Variants in KIAA1958 observed in about 807,000 individuals in gnomAD.
KIAA1958 encodes KIAA1958.
Under a neutral mutation model 47.2 loss-of-function variants are expected in KIAA1958, and 14 were observed. The observed-to-expected ratio is 0.30, with a 90% CI of 0.20 to 0.46. KIAA1958 has a LOEUF of 0.46. Ranked by LOEUF, KIAA1958 falls within the 20% of genes least tolerant of loss-of-function variation. The pLI, the probability that KIAA1958 is intolerant of heterozygous loss-of-function variation, is 1.00. For missense variants in KIAA1958, 803 were observed against 909.2 expected (o/e 0.88, Z 1.50); for synonymous variants, 354 against 353.3 (o/e 1.00, Z -0.02).
At chr9:112,628,066 A>C (rs1324970337) in intron 2 of KIAA1958, among the ~76,000 whole-genome samples, 1 of 152,194 alleles carries the variant, frequency 6.6e-6, no homozygotes, top group Non-Finnish European at 1.5e-5. Context: ...TTATACTCTT[A>C]AAATGAGTGG....
intron 1 of KIAA1958, among the ~76,000 whole-genome samples, chr9:112,499,688 C>CTT (rs917810043): frequency 4.3e-4 from 56 of 130,494 alleles, no homozygotes; most frequent in Non-Finnish European, 5.9e-4. Context: ...ACATTTTTTT[C>CTT]TTTTTTTTTT....
In KIAA1958 at chr9:112,508,410, C is replaced by T. The variant is rs572832734; in HGVS notation, c.-25+21292C>T. On this transcript the variant is annotated intron_variant, in intron 1 of 3. Coordinates refer to ENST00000337530, the MANE Select transcript of KIAA1958 (RefSeq NM_133465.4). ...AAAAGCTTAAATTCTCATTCTATTT[C>T]TAAGGGAATAAAGAGGGAGAATTCA... Among the ~76,000 whole-genome samples, 14 of 152,264 alleles carry T rather than the reference C, an allele frequency of 9.2e-5. No individual in the cohort carries two copies. The South Asian group carries it at 2.9e-3, about 32-fold the overall frequency.
chr9:112,634,694 T>C (rs987185617), intron 2 of KIAA1958, among the ~76,000 whole-genome samples: 2 of 152,206 alleles, frequency 1.3e-5, no homozygotes, highest in African/African-American at 4.8e-5. Flanking sequence ...TACCACAACA[T>C]CTTCTGCCAC....
intron 2 of KIAA1958, among the ~76,000 whole-genome samples, chr9:112,617,342 TTTAA>T (rs1358910741): frequency 1.3e-5 from 2 of 152,048 alleles, no homozygotes; most frequent in African/African-American, 4.8e-5. Context: ...AGAACAAGTA[TTTAA>T]TTAACTGCCA....
chr9:112,659,223 G>T (rs370466675), intron 3 of KIAA1958, 40 bp from the exon 4 acceptor site: 1 of 1,545,406 alleles, frequency 6.5e-7, no homozygotes, highest in Admixed American at 1.7e-5. Flanking sequence ...CTGGCTGTGT[G>T]AGTGTCAAGT....
At chr9:112,595,170 T>G (rs529211060) in intron 2 of KIAA1958, among the ~76,000 whole-genome samples, 1 of 152,304 alleles carries the variant, frequency 6.6e-6, no homozygotes, top group South Asian at 2.1e-4. Context: ...TTTATTAATT[T>G]CCATATAAAA....
intron 2 of KIAA1958, among the ~76,000 whole-genome samples, chr9:112,630,213 C>T (rs1488715592): frequency 6.6e-6 from 1 of 152,164 alleles, no homozygotes; most frequent in Non-Finnish European, 1.5e-5. Context: ...GAGCCCCAAG[C>T]CTGAAAATCC....
intron 1 of KIAA1958, among the ~76,000 whole-genome samples, chr9:112,568,936 T>TAAGA (rs1826003556): frequency 5.5e-5 from 2 of 36,456 alleles, no homozygotes; most frequent in African/African-American, 2.2e-4. Flanking sequence ...ATAGGAAAAC[T>TAAGA]AAAAAAAAAA....
intron 2 of KIAA1958, among the ~76,000 whole-genome samples, chr9:112,640,933 G>A (rs1836879806): frequency 1.3e-5 from 2 of 151,988 alleles, no homozygotes; most frequent in African/African-American, 4.8e-5. Flanking sequence ...GATTGCAGGT[G>A]TTGGATTTTT....
intron 1 of KIAA1958, among the ~76,000 whole-genome samples, chr9:112,560,097 C>T (rs1197766795): frequency 1.3e-5 from 2 of 150,784 alleles, no homozygotes; most frequent in East Asian, 1.9e-4. Flanking sequence ...CAGTGTCTTA[C>T]TATGTTGCCT....
chr9:112,532,182 G>C (rs929546995), intron 1 of KIAA1958, among the ~76,000 whole-genome samples: 4 of 152,200 alleles, frequency 2.6e-5, no homozygotes, highest in African/African-American at 9.6e-5. Context: ...TTTGTAGGCT[G>C]ATGTCTGTGG....
intron 2 of KIAA1958, among the ~76,000 whole-genome samples, chr9:112,630,386 T>C (rs142583092): frequency 3.4e-4 from 52 of 152,342 alleles, no homozygotes; most frequent in Non-Finnish European, 7.2e-4. Context: ...GGCAAATGCC[T>C]GTAATTCCAG....
intron 2 of KIAA1958, among the ~76,000 whole-genome samples, chr9:112,579,182 T>C (rs570798637): frequency 4.0e-4 from 61 of 152,266 alleles, no homozygotes; most frequent in African/African-American, 1.5e-3. Flanking sequence ...TTTCCCACTT[T>C]ACCATTAGCT....
chr9:112,632,350 G>T (rs1386596455), intron 2 of KIAA1958, among the ~76,000 whole-genome samples: 1 of 150,692 alleles, frequency 6.6e-6, no homozygotes, highest in Non-Finnish European at 1.5e-5. Context: ...ATATATATAT[G>T]CACAATTATT....
chr9:112,503,616 C>CAAAAA (rs762669967), intron 1 of KIAA1958, among the ~76,000 whole-genome samples: 4 of 106,382 alleles, frequency 3.8e-5, no homozygotes, highest in Non-Finnish European at 5.4e-5. Context: ...GACCCTGTCT[C>CAAAAA]AAAAAAAAAA....
intron 2 of KIAA1958, among the ~76,000 whole-genome samples, chr9:112,585,869 A>G (rs1835815045): frequency 2.0e-5 from 3 of 152,196 alleles, no homozygotes; most frequent in South Asian, 2.1e-4. Context: ...TAAGTCCTCT[A>G]TATGTAGGAT....
At chr9:112,592,005 A>G (rs934819608) in intron 2 of KIAA1958, among the ~76,000 whole-genome samples, 13 of 152,030 alleles carry the variant, frequency 8.6e-5, no homozygotes, top group Admixed American at 6.6e-5. Context: ...TCGTTCCTCT[A>G]TTGGCTAGGG....
At chr9:112,549,116 A>G (rs1027069097) in intron 1 of KIAA1958, among the ~76,000 whole-genome samples, 4 of 152,240 alleles carry the variant, frequency 2.6e-5, no homozygotes, top group African/African-American at 7.2e-5. Context: ...CATAATAGCA[A>G]ATATCTGGAT....
rs1173002605 is a variant in KIAA1958, at chr9:112,571,813, AC to A, written c.-24-2243del. On this transcript the variant is annotated intron_variant, in intron 1 of 3. Transcript: ENST00000337530. ...ATAAAAAATAAATAAATAAATAAAA[AC>A]AAAAAATAAAAATAAAAATAAAAAA... Among the ~76,000 whole-genome samples, 258 of 149,970 alleles carry A rather than the reference AC, an allele frequency of 1.7e-3. 3 individuals are homozygous for A. The highest frequency in any genetic ancestry group is 6.0e-3 in the African/African-American group (246 of 41,294).
Sources: gnomAD v4.1 joint callset for allele counts (sites outside exome capture counted in the v4.1 genomes callset) on GRCh38, gnomAD v4.1.1 for gene constraint, MANE v1.5 for transcripts, NCBI Gene and HGNC (gene_info 2026-07-23, HGNC 2026-07-21) for gene names.